The following NRG3 variants were observed in gnomAD, a reference collection of about 807,000 sequenced individuals.
NRG3 encodes neuregulin 3.
NRG3 carries 31 observed loss-of-function variants against 66.9 expected under a neutral mutation model. The observed-to-expected ratio is 0.46, with a 90% CI of 0.35 to 0.63. NRG3 has a LOEUF of 0.63. Ranked by LOEUF, NRG3 falls within the 20% of genes least tolerant of loss-of-function variation. The pLI is 0.00. For missense variants in NRG3, 910 were observed against 878.9 expected, an observed-to-expected ratio of 1.04 and a Z score of -0.45; for synonymous variants, 393 against 359.4, an observed-to-expected ratio of 1.09 and a Z score of -1.06.
At chr10:82,669,005 A>G (rs1591095229) in intron 2 of NRG3, among the ~76,000 whole-genome samples, 1 of 152,274 alleles carries the variant, frequency 6.6e-6, no homozygotes, top group South Asian at 2.1e-4. Flanking sequence ...CAAGAAATCA[A>G]TCAGAGGCCC....
intron 2 of NRG3, among the ~76,000 whole-genome samples, chr10:82,437,222 C>CT (rs1045359337): frequency 2.0e-5 from 3 of 151,866 alleles, no homozygotes; most frequent in Non-Finnish European, 4.4e-5. Flanking sequence ...TTCTTGGAGG[C>CT]TTTTTTCATT....
intron 1 of NRG3, among the ~76,000 whole-genome samples, chr10:81,925,751 A>ATTT (rs1471947480): frequency 1.6e-4 from 23 of 144,600 alleles, no homozygotes; most frequent in Admixed American, 8.3e-4. Flanking sequence ...TTTTTTTAAA[A>ATTT]AAAAAAGAGA....
intron 1 of NRG3, among the ~76,000 whole-genome samples, chr10:82,031,480 C>T (rs1267600107): frequency 6.6e-6 from 1 of 152,078 alleles, no homozygotes; most frequent in African/African-American, 2.4e-5. Flanking sequence ...AGTGCCTGCA[C>T]TTATCGAATG....
chr10:82,419,996 A>G (rs2088940436), intron 2 of NRG3, among the ~76,000 whole-genome samples: 1 of 152,180 alleles, frequency 6.6e-6, no homozygotes, highest in Admixed American at 6.5e-5. Context: ...ACTCAAGAGA[A>G]GTCATCAAGG....
chr10:82,793,539 G>T (rs908817170), intron 3 of NRG3, among the ~76,000 whole-genome samples: 3 of 152,212 alleles, frequency 2.0e-5, no homozygotes, highest in African/African-American at 4.8e-5. Context: ...ATTCTGGGGA[G>T]ATTTAAAACT....
At chr10:82,187,125 A>G (rs1333488608) in intron 1 of NRG3, among the ~76,000 whole-genome samples, 1 of 152,224 alleles carries the variant, frequency 6.6e-6, no homozygotes, top group Admixed American at 6.5e-5. Flanking sequence ...AATGAATAAA[A>G]TAAAATATTC....
chr10:82,324,154 C>A (rs996763162), intron 1 of NRG3, among the ~76,000 whole-genome samples: 3 of 152,248 alleles, frequency 2.0e-5, no homozygotes, highest in Middle Eastern at 3.4e-3. Flanking sequence ...CGTGAGCCAC[C>A]GTGCCTGGCC....
intron 1 of NRG3, among the ~76,000 whole-genome samples, chr10:82,213,890 C>G (rs1175811024): frequency 6.6e-6 from 1 of 152,144 alleles, no homozygotes; most frequent in East Asian, 1.9e-4. Context: ...CCAGAGTCGG[C>G]TTATTCGACT....
chr10:82,985,055 C>G (rs781776275), intron 8 of NRG3, 43 bp from the exon 9 acceptor site: 38 of 1,591,382 alleles, frequency 2.4e-5, no homozygotes, highest in Non-Finnish European at 3.3e-5. Context: ...TCTAACAAAG[C>G]CTGGTAGAAA....
At chr10:82,568,492 A>G (rs1265980728) in intron 2 of NRG3, among the ~76,000 whole-genome samples, 3 of 151,834 alleles carry the variant, frequency 2.0e-5, no homozygotes, top group Non-Finnish European at 2.9e-5. Flanking sequence ...AGATTTGTCC[A>G]TAGCTCTAAA....
At chr10:82,856,440 A>C (rs2135879582) in intron 3 of NRG3, among the ~76,000 whole-genome samples, 1 of 152,160 alleles carries the variant, frequency 6.6e-6, no homozygotes, top group South Asian at 2.1e-4. Flanking sequence ...CCTAATTTTA[A>C]AAATTAGATA....
At chr10:82,840,266 A>G (rs1347900270) in intron 3 of NRG3, among the ~76,000 whole-genome samples, 1 of 152,100 alleles carries the variant, frequency 6.6e-6, no homozygotes, top group African/African-American at 2.4e-5. Context: ...GGTAGTGCTC[A>G]TGTTCCTGTC....
chr10:82,762,443 A>G (rs1188084281), intron 3 of NRG3, among the ~76,000 whole-genome samples: 5 of 152,230 alleles, frequency 3.3e-5, no homozygotes, highest in South Asian at 2.1e-4. Context: ...ACTTTAAAGC[A>G]TAGGCCATAC....
At chr10:82,093,453 A>G (rs574591363) in intron 1 of NRG3, among the ~76,000 whole-genome samples, 15 of 152,290 alleles carry the variant, frequency 9.8e-5, no homozygotes, top group African/African-American at 3.1e-4. Context: ...AGTAATTAAT[A>G]ATTTTGAGCT....
intron 2 of NRG3, among the ~76,000 whole-genome samples, chr10:82,368,095 A>G (rs1218470249): frequency 2.1e-4 from 30 of 140,714 alleles, no homozygotes. Flanking sequence ...CAATATTACT[A>G]CTTCCCAGGA....
chr10:82,285,436 T>A (rs2079364755), intron 1 of NRG3, among the ~76,000 whole-genome samples: 1 of 152,218 alleles, frequency 6.6e-6, no homozygotes, highest in Non-Finnish European at 1.5e-5. Context: ...AGCTAGTTTT[T>A]CAAAATAATG....
intron 1 of NRG3, among the ~76,000 whole-genome samples, chr10:81,997,163 C>G (rs2060970467): frequency 6.6e-6 from 1 of 152,242 alleles, no homozygotes; most frequent in African/African-American, 2.4e-5. Flanking sequence ...CCCCACAGTG[C>G]CTGCAGTGCA....
rs558327247 is a variant in NRG3 at position 82,881,034 on chromosome 10, G to A, written c.1054+15597G>A. Among the ~76,000 whole-genome samples, 11 of 152,324 alleles carry A rather than the reference G, an allele frequency of 7.2e-5. No individual in the cohort carries two copies. In the South Asian group the frequency reaches 2.3e-3, roughly 32 times the overall value. ...CTTAGCAAAAGGGGTTGGAATAAGAGTGTGCTTTGTGTCCCAAGGGACAGC... is the reference window on the plus strand; with the variant it reads ...CTTAGCAAAAGGGGTTGGAATAAGAATGTGCTTTGTGTCCCAAGGGACAGC... On this transcript the variant is annotated intron_variant, in intron 4 of 8. Transcript: ENST00000372141.
At chr10:82,699,726 C>T (rs181775313) in intron 2 of NRG3, among the ~76,000 whole-genome samples, 184 of 152,084 alleles carry the variant, frequency 1.2e-3, no homozygotes, top group Non-Finnish European at 2.1e-3. Flanking sequence ...TTATATTTGC[C>T]TTCTCTCCCA....
Sources: gnomAD v4.1 joint callset for allele counts (sites outside exome capture counted in the v4.1 genomes callset) on GRCh38, gnomAD v4.1.1 for gene constraint, MANE v1.5 for transcripts, NCBI Gene and HGNC (gene_info 2026-07-23, HGNC 2026-07-21) for gene names.